The following CWC27 variants were observed in gnomAD, a reference collection of about 807,000 sequenced individuals.
CWC27 encodes spliceosome-associated protein CWC27 homolog.
A neutral mutation model predicts 63.6 loss-of-function variants in CWC27; 47 were observed. That is an observed-to-expected ratio of 0.74 (90% CI 0.58 to 0.94). CWC27 has a LOEUF of 0.94. Ranked by LOEUF, CWC27 falls within the 40% of genes least tolerant of loss-of-function variation. The probability of loss-of-function intolerance (pLI) is 0.00; values close to 1 mark genes in which losing one functional copy is unlikely to be tolerated. For synonymous variants in CWC27, 175 were observed against 179.8 expected, an observed-to-expected ratio of 0.97 and a Z score of 0.22; for missense variants, 495 against 554.3, an observed-to-expected ratio of 0.89 and a Z score of 1.07.
At chr5:65,016,439 C>T (rs1580784187) in intron 13 of CWC27, among the ~76,000 whole-genome samples, 1 of 151,960 alleles carries the variant, frequency 6.6e-6, no homozygotes, top group Non-Finnish European at 1.5e-5. Flanking sequence ...AGTTCGAGAC[C>T]ATCTGGGGCA....
At chr5:64,967,651 G>A (rs1288213290) in intron 11 of CWC27, among the ~76,000 whole-genome samples, 2 of 151,896 alleles carry the variant, frequency 1.3e-5, no homozygotes, top group Non-Finnish European at 2.9e-5. Context: ...CAAGAAAGGT[G>A]CCAAGGTCAT....
At chr5:64,813,006 A>T (rs1340258870) in intron 10 of CWC27, among the ~76,000 whole-genome samples, 1 of 152,170 alleles carries the variant, frequency 6.6e-6, no homozygotes, top group Non-Finnish European at 1.5e-5. Flanking sequence ...CAGCAATTTC[A>T]TATGTATGAC....
At chr5:64,817,055 T>C (rs1447562375) in intron 10 of CWC27, among the ~76,000 whole-genome samples, 1 of 152,144 alleles carries the variant, frequency 6.6e-6, no homozygotes, top group Non-Finnish European at 1.5e-5. Context: ...CTCTGTGTCC[T>C]GGTCCTCATA....
chr5:64,982,602 A>G (rs867665414), intron 13 of CWC27, among the ~76,000 whole-genome samples: 1 of 151,968 alleles, frequency 6.6e-6, no homozygotes, highest in South Asian at 2.1e-4. Flanking sequence ...GAGTGTTTCA[A>G]TTATTTTCCC....
chr5:64,785,512 G>A lies in CWC27; in HGVS notation c.428G>A (p.Arg143Gln), dbSNP rs759240151. 32 of 1,545,038 alleles carry A rather than the reference G, an allele frequency of 2.1e-5. No individual in the cohort carries two copies. The highest frequency in any genetic ancestry group is 2.5e-5 in the South Asian group (2 of 80,708). Residue 143 changes from arginine to glutamine, a missense_variant, in exon 5 of 14, where the codon CGA becomes CAA. Physicochemically the swap from Arg to Gln is conservative, Grantham distance 43. Around this residue, in one of 3 missense-constraint regions of CWC27, gnomAD observed 463 missense variants for 498.1 expected, o/e 0.93. Transcript: ENST00000381070. ...GGGGATACAGTATATAACATGTTGC[G>A]ACTGTCAGAAGTAGACATTGATGAT... ...VTGDTVYNMLRLSEVDIDDDE... is the reference protein window; with the variant it reads ...VTGDTVYNMLQLSEVDIDDDE...
intron 10 of CWC27, among the ~76,000 whole-genome samples, chr5:64,872,232 A>G (rs1228400583): frequency 6.6e-6 from 1 of 152,176 alleles, no homozygotes; most frequent in Non-Finnish European, 1.5e-5. Context: ...GATGTGACTC[A>G]AACAGAATGA....
At chr5:64,817,310 C>T (rs1745065541) in intron 10 of CWC27, among the ~76,000 whole-genome samples, 1 of 152,034 alleles carries the variant, frequency 6.6e-6, no homozygotes, top group Admixed American at 6.6e-5. Flanking sequence ...CTATTTAAAA[C>T]AATTTGCCTC....
chr5:65,004,140 T>C (rs1749784439), intron 13 of CWC27, among the ~76,000 whole-genome samples: 1 of 152,192 alleles, frequency 6.6e-6, no homozygotes, highest in African/African-American at 2.4e-5. Flanking sequence ...CCAACATGCC[T>C]GGCCTTGTCT....
At chr5:64,979,984 A>AAGAG (rs1554028718) in intron 13 of CWC27, among the ~76,000 whole-genome samples, 2 of 151,328 alleles carry the variant, frequency 1.3e-5, no homozygotes, top group Non-Finnish European at 2.9e-5. Context: ...AAAAAAAAAA[A>AAGAG]AGAGAGAGGG....
intron 13 of CWC27, among the ~76,000 whole-genome samples, chr5:64,985,579 C>T (rs1039591358): frequency 6.6e-6 from 1 of 152,072 alleles, no homozygotes; most frequent in South Asian, 2.1e-4. Context: ...CATTGTTATA[C>T]AGAAATATGA....
chr5:64,794,374 G>A (rs1217277204), intron 7 of CWC27, among the ~76,000 whole-genome samples: 2 of 152,060 alleles, frequency 1.3e-5, no homozygotes, highest in Non-Finnish European at 2.9e-5. Flanking sequence ...TGTAATAGGA[G>A]TACATGTAAA....
intron 9 of CWC27, among the ~76,000 whole-genome samples, chr5:64,802,067 T>C (rs886559873): frequency 1.3e-5 from 2 of 152,184 alleles, no homozygotes; most frequent in African/African-American, 4.8e-5. Flanking sequence ...ATGATGCTAT[T>C]TATGTCTTAT....
chr5:64,882,915 G>C (rs1051872907), intron 10 of CWC27, among the ~76,000 whole-genome samples: 4 of 152,102 alleles, frequency 2.6e-5, no homozygotes, highest in African/African-American at 9.7e-5. Context: ...TTTTAAATCT[G>C]TCTACTAGGA....
At chr5:64,859,683 A>G (rs1165643734) in intron 10 of CWC27, among the ~76,000 whole-genome samples, 1 of 152,202 alleles carries the variant, frequency 6.6e-6, no homozygotes, top group Admixed American at 6.5e-5. Flanking sequence ...GATCATTTAT[A>G]TCAAGGTTTG....
chr5:64,891,003 G>A (rs1747219087), intron 11 of CWC27, among the ~76,000 whole-genome samples: 1 of 152,066 alleles, frequency 6.6e-6, no homozygotes, highest in African/African-American at 2.4e-5. Context: ...AGAGGTGATC[G>A]CCAACCAGCT....
chr5:64,802,733 G>A (rs1274738468), intron 9 of CWC27, among the ~76,000 whole-genome samples: 3 of 152,196 alleles, frequency 2.0e-5, no homozygotes, highest in Non-Finnish European at 4.4e-5. Flanking sequence ...AAAGCATAGG[G>A]TTGAGGTGGA....
intron 13 of CWC27, among the ~76,000 whole-genome samples, chr5:64,980,084 A>C (rs919994481): frequency 5.2e-4 from 79 of 152,292 alleles, no homozygotes; most frequent in Non-Finnish European, 5.7e-4. Context: ...GCATTTAAAG[A>C]AGTGTTATTA....
intron 11 of CWC27, among the ~76,000 whole-genome samples, chr5:64,952,198 T>A (rs1360084956): frequency 6.6e-6 from 1 of 152,056 alleles, no homozygotes; most frequent in Non-Finnish European, 1.5e-5. Context: ...GTTGTTATAC[T>A]GTATTATTTA....
intron 10 of CWC27, among the ~76,000 whole-genome samples, chr5:64,879,050 T>C (rs986149874): frequency 3.3e-5 from 5 of 151,852 alleles, no homozygotes; most frequent in African/African-American, 7.2e-5. Flanking sequence ...AGTGAAGTCC[T>C]GATGGCCCAA....
Sources: gnomAD v4.1 joint callset for allele counts (sites outside exome capture counted in the v4.1 genomes callset) on GRCh38, gnomAD v4.1.1 for gene constraint, gnomAD v4.1.1 regional missense constraint, MANE v1.5 for transcripts, NCBI Gene and HGNC (gene_info 2026-07-23, HGNC 2026-07-21) for gene names.